Variants in PATJ observed in about 807,000 individuals in gnomAD.
The protein encoded by PATJ is inaD-like protein.
In PATJ, 190 loss-of-function variants were observed where a neutral mutation model predicts 224.9. That is an observed-to-expected ratio of 0.84 (90% CI 0.75 to 0.95). The LOEUF (loss-of-function observed/expected upper bound fraction) is 0.95. Ranked by LOEUF, PATJ falls within the 40% of genes least tolerant of loss-of-function variation. PATJ has a pLI of 0.00. For missense variants in PATJ, 2,121 were observed against 2,270.3 expected (o/e 0.93, Z 1.34); for synonymous variants, 769 against 820.3 (o/e 0.94, Z 1.07).
intron 1 of PATJ, among the ~76,000 whole-genome samples, chr1:61,759,149 G>GA (rs766999572): frequency 5.9e-5 from 9 of 152,218 alleles, no homozygotes; most frequent in Non-Finnish European, 1.2e-4. Flanking sequence ...GGACGGCTTT[G>GA]AATGCAGCCT....
intron 43 of PATJ, among the ~76,000 whole-genome samples, chr1:62,154,233 G>A (rs950081585): frequency 6.6e-6 from 1 of 151,768 alleles, no homozygotes; most frequent in African/African-American, 2.4e-5. Flanking sequence ...TTTTTTAATT[G>A]GAATTTAATT....
At chr1:61,946,638 A>G (rs1316868829) in intron 27 of PATJ, among the ~76,000 whole-genome samples, 1 of 152,196 alleles carries the variant, frequency 6.6e-6, no homozygotes, top group Non-Finnish European at 1.5e-5. Context: ...TACCAGAGGT[A>G]CAAAAAAGAG....
intron 33 of PATJ, among the ~76,000 whole-genome samples, chr1:62,089,326 A>C (rs1470624955): frequency 6.6e-6 from 1 of 152,000 alleles, no homozygotes; most frequent in African/African-American, 2.4e-5. Flanking sequence ...CACTTCCTGC[A>C]AGGAATGTGA....
At chr1:61,760,248 TG>T (rs1390549497) in intron 1 of PATJ, among the ~76,000 whole-genome samples, 2 of 152,248 alleles carry the variant, frequency 1.3e-5, no homozygotes, top group Non-Finnish European at 2.9e-5. Flanking sequence ...AGTGAACATT[TG>T]GATGGAATAC....
At chr1:61,743,266 C>A (rs1430914069) in intron 1 of PATJ, among the ~76,000 whole-genome samples, 2 of 152,200 alleles carry the variant, frequency 1.3e-5, no homozygotes, top group Non-Finnish European at 2.9e-5. Context: ...GCTTTTAAAT[C>A]AAGCTCAGGA....
At chr1:61,981,332 C>T (rs1243728328) in intron 27 of PATJ, among the ~76,000 whole-genome samples, 1 of 151,974 alleles carries the variant, frequency 6.6e-6, no homozygotes, top group Non-Finnish European at 1.5e-5. Flanking sequence ...GAAAACCTGG[C>T]TCAGAATCTC....
Position 62,144,776 on chromosome 1 carries a change from AAAT to A in PATJ, c.5272-3506_5272-3504del, listed in dbSNP as rs1238381043. 2.7e-3 allele frequency among the ~76,000 whole-genome samples: 263 copies of A among 95,706 alleles called. 8 individuals carry two copies. Among genetic ancestry groups the A allele is most frequent in the African/African-American group, 0.011 (215 of 19,634 alleles). The allele number at this position is 95,706 out of a possible 152,430, so 62.8% of individuals were successfully genotyped here. A position where few individuals can be genotyped will look rare whatever the true frequency, so the allele number is the denominator to read the frequency against. Reference sequence around the variant, plus strand: ...CTAGAATGTTATTTGCAAAAAAAAAAAATATATATATATATATATAATTAGCAG... The same window carrying A: ...CTAGAATGTTATTTGCAAAAAAAAAAATATATATATATATATAATTAGCAG... On this transcript the variant is annotated intron_variant, in intron 41 of 43. Coordinates refer to ENST00000642238, the MANE Select transcript of PATJ (RefSeq NM_001350145.3).
At chr1:61,765,461 G>A (rs1053885359) in intron 3 of PATJ, among the ~76,000 whole-genome samples, 12 of 151,488 alleles carry the variant, frequency 7.9e-5, no homozygotes, top group African/African-American at 2.2e-4. Context: ...TCGGCTCACT[G>A]TAGCCTCCAC....
intron 31 of PATJ, among the ~76,000 whole-genome samples, chr1:62,070,161 A>T (rs925613120): frequency 2.0e-5 from 3 of 152,208 alleles, no homozygotes; most frequent in Admixed American, 1.3e-4. Flanking sequence ...ATCATTTTCA[A>T]ACAGAGGCAC....
intron 27 of PATJ, 28 bp downstream of exon 27, chr1:61,927,857 G>A (rs764525702): frequency 7.1e-7 from 1 of 1,405,834 alleles, no homozygotes; most frequent in East Asian, 2.3e-5. Flanking sequence ...ATTTAGGGTA[G>A]ATGCAGAACT....
chr1:62,102,616 G>T (rs913680010), intron 33 of PATJ, among the ~76,000 whole-genome samples: 2 of 151,980 alleles, frequency 1.3e-5, no homozygotes, highest in East Asian at 3.9e-4. Flanking sequence ...ACTTTGGGAG[G>T]CTGAGGTGAG....
At chr1:62,160,433 C>T (rs1327749543) in intron 43 of PATJ, among the ~76,000 whole-genome samples, 4 of 152,190 alleles carry the variant, frequency 2.6e-5, no homozygotes, top group Non-Finnish European at 5.9e-5. Context: ...CCATACAATT[C>T]ACCCATTTAA....
intron 1 of PATJ, among the ~76,000 whole-genome samples, chr1:61,754,520 G>GTTTT (rs548557219): frequency 1.1e-4 from 10 of 94,434 alleles, no homozygotes; most frequent in African/African-American, 2.3e-4. Flanking sequence ...TTTTTTGCAT[G>GTTTT]TTTTTTTTTT....
At chr1:62,010,331 ATT>A (rs34046309) in intron 28 of PATJ, among the ~76,000 whole-genome samples, 16 of 149,524 alleles carry the variant, frequency 1.1e-4, no homozygotes, top group East Asian at 2.0e-4. Context: ...GTTAATGTTG[ATT>A]TTTTTTTTTG....
chr1:62,071,685 T>C (rs1657448689), intron 31 of PATJ, among the ~76,000 whole-genome samples: 2 of 152,076 alleles, frequency 1.3e-5, no homozygotes, highest in African/African-American at 4.8e-5. Context: ...TTTTGCCATA[T>C]TGGCCAGGCT....
At position 61,771,540 on chromosome 1, in the gene PATJ, T is replaced by C. The variant is rs773786619; in HGVS notation, c.634T>C (p.Ser212Pro). 1 of 1,613,388 alleles carries C rather than the reference T, an allele frequency of 6.2e-7. No individual in the cohort carries two copies. ...AIALLQQTTG[S>P]LRLIVAREPV... ...TGCATTATTACAACAAACCACTGGA[T>C]CTTTGAGACTGATTGTGGCCAGGGA... The change falls in exon 6 of 44, where the codon TCT becomes CCT. Residue 212 changes from serine (S) to proline (P), a missense_variant. Physicochemically the swap from Ser to Pro is moderately conservative, Grantham distance 74 (BLOSUM62 -1). Transcript: ENST00000642238.
intron 41 of PATJ, among the ~76,000 whole-genome samples, chr1:62,146,915 G>A (rs1226816147): frequency 6.6e-6 from 1 of 152,168 alleles, no homozygotes; most frequent in East Asian, 1.9e-4. Flanking sequence ...AGCTACAGTT[G>A]CCCAAGATGA....
In PATJ at chr1:62,117,131, G is replaced by T; in HGVS notation, c.4804-1G>T. The T allele has an allele frequency of 6.2e-7, 1 of 1,612,460 alleles. No homozygotes were observed. Among genetic ancestry groups the T allele is most frequent in the Non-Finnish European group, 8.5e-7 (1 of 1,178,864 alleles). ...TTCTGTTCTTTTCTTGCCTTTCCAA[G>T]TGTGCACAGGGACTTGTGCAGCTAG... On this transcript the variant is annotated splice_acceptor_variant, in intron 36 of 43. Coordinates refer to ENST00000642238, the MANE Select transcript of PATJ (RefSeq NM_001350145.3). LOFTEE classifies it high-confidence loss of function.
At position 62,156,054 on chromosome 1, in the gene PATJ, TAAAAA is replaced by T. The variant is rs34300724; in HGVS notation, c.5502+2595_5502+2599del. The stretch of plus-strand genomic sequence containing the variant: ...GCCTGGGTGACAGAGCAAGACTCTG[TAAAAA>T]AAAAAAAAAAAAAAAAAAAAAGAAT... On this transcript the variant is annotated intron_variant, in intron 43 of 43. Coordinates refer to ENST00000642238, the MANE Select transcript of PATJ (RefSeq NM_001350145.3). Among the ~76,000 whole-genome samples, 367 of 43,052 alleles carry T rather than the reference TAAAAA, an allele frequency of 8.5e-3. 2 individuals carry two copies. The highest frequency in any genetic ancestry group is 0.033 in the African/African-American group (347 of 10,378). The allele number at this position is 43,052 out of a possible 152,430, so 28.2% of individuals were successfully genotyped here.
Sources: allele counts gnomAD v4.1 joint callset (sites outside exome capture counted in the v4.1 genomes callset), GRCh38; gene constraint gnomAD v4.1.1; transcripts MANE v1.5; gene names NCBI Gene and HGNC (gene_info 2026-07-23, HGNC 2026-07-21).